The following AGBL1 variants were observed in gnomAD, a reference collection of about 807,000 sequenced individuals.
AGBL1 encodes the protein AGBL carboxypeptidase 1.
A neutral mutation model predicts 118.9 loss-of-function variants in AGBL1; 130 were observed. The ratio of observed to expected loss-of-function variants is 1.09; its 90% confidence interval spans 0.95 to 1.26. The LOEUF (loss-of-function observed/expected upper bound fraction) is 1.26, where lower values mean the gene tolerates loss of function less well. Ranked by LOEUF, AGBL1 falls within the 50% of genes most tolerant of loss-of-function variation. The pLI is 0.00. For synonymous variants in AGBL1, 555 were observed against 478.9 expected, an observed-to-expected ratio of 1.16 and a Z score of -2.08; for missense variants, 1,584 against 1,298.1, an observed-to-expected ratio of 1.22 and a Z score of -3.38.
intron 5 of AGBL1, among the ~76,000 whole-genome samples, chr15:86,211,697 A>G (rs989704680): frequency 6.6e-6 from 1 of 152,166 alleles, no homozygotes; most frequent in African/African-American, 2.4e-5. Context: ...ACATTGGAAA[A>G]GCACAGTATT....
At chr15:87,029,469 C>T (rs1210770743), downstream of AGBL1, among the ~76,000 whole-genome samples, 1 of 147,880 alleles carries the variant, frequency 6.8e-6, no homozygotes, top group East Asian at 2.0e-4. Context: ...GATCCTCTTT[C>T]AAAGGACCAG....
intron 1 of AGBL1, among the ~76,000 whole-genome samples, chr15:86,098,552 C>T (rs867464180): frequency 4.6e-5 from 7 of 152,152 alleles, no homozygotes; most frequent in Admixed American, 3.3e-4. Context: ...TTTCCCACCA[C>T]CATTTGTTGA....
intron 23 of AGBL1, among the ~76,000 whole-genome samples, chr15:86,925,164 GGAGGAA>G (rs1385344126): frequency 1.1e-4 from 13 of 122,826 alleles, no homozygotes; most frequent in African/African-American, 4.9e-4. Context: ...AGGAGGAGGA[GGAGGAA>G]GAGGAAGAGG....
At chr15:87,021,547 A>G (rs535885267) in intron 24 of AGBL1, among the ~76,000 whole-genome samples, 9 of 152,202 alleles carry the variant, frequency 5.9e-5, no homozygotes, top group Non-Finnish European at 1.3e-4. Flanking sequence ...CTCTCATCAG[A>G]GTGAACAGAC....
chr15:86,870,029 T>A (rs1257861186), intron 22 of AGBL1, among the ~76,000 whole-genome samples: 2 of 152,170 alleles, frequency 1.3e-5, no homozygotes, highest in Non-Finnish European at 2.9e-5. Flanking sequence ...CCCTCCTTCC[T>A]TCGACTGCAT....
intron 21 of AGBL1, among the ~76,000 whole-genome samples, chr15:86,582,902 C>G (rs1428978194): frequency 6.6e-6 from 1 of 151,712 alleles, no homozygotes; most frequent in South Asian, 2.1e-4. Flanking sequence ...AGTAGATATA[C>G]CTAATGCTAA....
intron 22 of AGBL1, among the ~76,000 whole-genome samples, chr15:86,812,607 A>G (rs2078804353): frequency 6.6e-6 from 1 of 152,192 alleles, no homozygotes; most frequent in African/African-American, 2.4e-5. Flanking sequence ...TACGTGCTTA[A>G]GTGGATAGTT....
intron 22 of AGBL1, among the ~76,000 whole-genome samples, chr15:86,867,659 G>A (rs553575289): frequency 6.6e-6 from 1 of 152,134 alleles, no homozygotes; most frequent in African/African-American, 2.4e-5. Flanking sequence ...GACTAGGTGG[G>A]GCTTATAGTG....
chr15:86,429,830 C>T (rs2081913128), intron 18 of AGBL1, among the ~76,000 whole-genome samples: 1 of 152,138 alleles, frequency 6.6e-6, no homozygotes. Context: ...AAAAGGAACC[C>T]AAGGGAAATT....
chr15:86,714,089 G>C (rs1370618460), intron 22 of AGBL1, among the ~76,000 whole-genome samples: 1 of 152,112 alleles, frequency 6.6e-6, no homozygotes, highest in African/African-American at 2.4e-5. Context: ...AGGCATAGGA[G>C]TTATAAATAT....
intron 19 of AGBL1, among the ~76,000 whole-genome samples, chr15:86,529,408 A>C (rs1475210378): frequency 2.8e-3 from 334 of 118,542 alleles, no homozygotes; most frequent in Middle Eastern, 4.2e-3. Flanking sequence ...AGTTTAGAGA[A>C]AAAAGAATAA....
chr15:86,540,078 T>C (rs948489446), intron 19 of AGBL1, among the ~76,000 whole-genome samples: 1 of 152,238 alleles, frequency 6.6e-6, no homozygotes. Context: ...TGGAATTTAG[T>C]GTTCTCGGCC....
intron 22 of AGBL1, among the ~76,000 whole-genome samples, chr15:86,844,679 G>T (rs1451488962): frequency 6.6e-6 from 1 of 151,802 alleles, no homozygotes; most frequent in African/African-American, 2.4e-5. Context: ...TTTTCTTTAT[G>T]GTATTTTTGA....
chr15:86,826,327 A>G (rs1198527178), intron 22 of AGBL1, among the ~76,000 whole-genome samples: 3 of 152,148 alleles, frequency 2.0e-5, no homozygotes, highest in African/African-American at 4.8e-5. Context: ...ATGCTTGGTA[A>G]AGTCCGAGGG....
At chr15:86,167,370 C>T (rs1348036767) in intron 5 of AGBL1, among the ~76,000 whole-genome samples, 1 of 152,010 alleles carries the variant, frequency 6.6e-6, no homozygotes, top group African/African-American at 2.4e-5. Context: ...CTCAGCCTCC[C>T]AAGTAGCTGG....
intron 17 of AGBL1, chr15:86,299,601 GATCAGTCC>G (rs1384926456): frequency 2.6e-5 from 4 of 152,084 alleles, no homozygotes; most frequent in Non-Finnish European, 4.4e-5. Context: ...TGGTAGGCAC[GATCAGTCC>G]AGGAAATTCT....
At chr15:86,380,061 A>C (rs2081090792) in intron 17 of AGBL1, among the ~76,000 whole-genome samples, 1 of 152,168 alleles carries the variant, frequency 6.6e-6, no homozygotes, top group Non-Finnish European at 1.5e-5. Context: ...AAACCAAGGC[A>C]CTAGAGGGAT....
Position 86,154,430 on chromosome 15 carries a change from A to AT in AGBL1, c.264dup (p.Lys89Ter). On this transcript the variant is annotated frameshift_variant and splice_region_variant, in exon 4 of 23. Coordinates refer to ENST00000614907, the MANE Select transcript of AGBL1 (RefSeq NM_001386094.1). LOFTEE classifies it high-confidence loss of function. ...AAGATAGATTGATTTGTGTTCTTAG[A>AT]TAAAAAGATTGGACGGAAGGCCCTA... The AT allele has an allele frequency of 6.2e-7, 1 of 1,611,716 alleles. No homozygotes were observed. The highest frequency in any genetic ancestry group is 2.2e-5 in the East Asian group (1 of 44,764).
At chr15:86,644,116 T>C (rs1019213345) in intron 21 of AGBL1, among the ~76,000 whole-genome samples, 18 of 152,358 alleles carry the variant, frequency 1.2e-4, no homozygotes, top group Middle Eastern at 3.4e-3. Flanking sequence ...ATATGCTGAT[T>C]ATATTAATCT....
Sources: gnomAD v4.1 joint callset for allele counts (sites outside exome capture counted in the v4.1 genomes callset) on GRCh38, gnomAD v4.1.1 for gene constraint, MANE v1.5 for transcripts, NCBI Gene and HGNC (gene_info 2026-07-23, HGNC 2026-07-21) for gene names.